The following CADPS2 variants were observed in gnomAD, a reference collection of about 807,000 sequenced individuals.
The protein encoded by CADPS2 is calcium dependent secretion activator 2.
Under a neutral mutation model 172.5 loss-of-function variants are expected in CADPS2, and 93 were observed. That is an observed-to-expected ratio of 0.54 (90% CI 0.46 to 0.64). The LOEUF (loss-of-function observed/expected upper bound fraction) is 0.64, where lower values mean the gene tolerates loss of function less well. Ranked by LOEUF, CADPS2 falls within the 30% of genes least tolerant of loss-of-function variation. CADPS2 has a pLI of 0.00. For missense variants in CADPS2, 1,420 were observed against 1,565.9 expected (o/e 0.91, Z 1.57); for synonymous variants, 546 against 555.2 (o/e 0.98, Z 0.23).
intron 2 of CADPS2, among the ~76,000 whole-genome samples, chr7:122,725,940 T>C (rs2091037689): frequency 6.6e-6 from 1 of 151,964 alleles, no homozygotes; most frequent in Non-Finnish European, 1.5e-5. Context: ...ACAAGATAAA[T>C]TCATCCATAT....
At chr7:122,697,822 T>C in intron 2 of CADPS2, 4 of 1,598,434 alleles carry the variant, frequency 2.5e-6, no homozygotes, top group Non-Finnish European at 2.6e-6. Context: ...CACTACTGAA[T>C]GAGGCTGGAT....
At chr7:122,351,384 A>AAAAAAAAAAAAAAAAAAAAAAT (rs2038598246) in intron 27 of CADPS2, among the ~76,000 whole-genome samples, 1 of 144,526 alleles carries the variant, frequency 6.9e-6, no homozygotes, top group Non-Finnish European at 1.5e-5. Context: ...AAAAAAAAAA[A>AAAAAAAAAAAAAAAAAAAAAAT]AAAAAAAAAA....
intron 1 of CADPS2, among the ~76,000 whole-genome samples, chr7:122,822,671 A>T: frequency 6.6e-6 from 1 of 150,488 alleles, no homozygotes; most frequent in Non-Finnish European, 1.5e-5. Context: ...CCCCACCTTA[A>T]CTGATGACAT....
intron 3 of CADPS2, among the ~76,000 whole-genome samples, chr7:122,650,687 A>G (rs2079061039): frequency 2.6e-5 from 4 of 152,198 alleles, no homozygotes; most frequent in Admixed American, 6.5e-5. Flanking sequence ...GCCAAAGGTA[A>G]GAAACAAAAT....
chr7:122,787,754 A>G (rs780584975), intron 1 of CADPS2, among the ~76,000 whole-genome samples: 1 of 152,236 alleles, frequency 6.6e-6, no homozygotes, highest in Non-Finnish European at 1.5e-5. Context: ...ACTGAATTCC[A>G]GGATACTTGG....
At chr7:122,645,681 A>ATATATATATC (rs796988558) in intron 3 of CADPS2, among the ~76,000 whole-genome samples, 1,828 of 116,696 alleles carry the variant, frequency 0.016, 19 homozygotes, top group Non-Finnish European at 0.023. Flanking sequence ...ATATATATAT[A>ATATATATATC]TCTTGGGATT....
chr7:122,541,727 A>G (rs1336863821), intron 8 of CADPS2, among the ~76,000 whole-genome samples: 1 of 144,668 alleles, frequency 6.9e-6, no homozygotes, highest in Non-Finnish European at 1.5e-5. Context: ...ATATATTCAT[A>G]TATATTTATT....
At chr7:122,692,665 C>T (rs1167604056) in intron 2 of CADPS2, among the ~76,000 whole-genome samples, 1 of 152,240 alleles carries the variant, frequency 6.6e-6, no homozygotes, top group African/African-American at 2.4e-5. Flanking sequence ...ACTATGCCAA[C>T]TGTCAGGTTC....
intron 1 of CADPS2, among the ~76,000 whole-genome samples, chr7:122,770,585 T>C (rs556877196): frequency 2.6e-5 from 4 of 152,254 alleles, no homozygotes; most frequent in South Asian, 2.1e-4. Flanking sequence ...GAACAGAGTA[T>C]AACATGGAAG....
chr7:122,566,178 G>T (rs1399520549), intron 7 of CADPS2, among the ~76,000 whole-genome samples: 1 of 152,018 alleles, frequency 6.6e-6, no homozygotes. Context: ...AATCATCAGG[G>T]AAACGCAAAT....
chr7:122,770,710 G>A (rs1562973865), intron 1 of CADPS2, among the ~76,000 whole-genome samples: 1 of 152,198 alleles, frequency 6.6e-6, no homozygotes, highest in Non-Finnish European at 1.5e-5. Context: ...GCTTCTGCAT[G>A]CTCAGGATCT....
At position 122,575,416 on chromosome 7, in the gene CADPS2, TTTTTC is replaced by T. The variant is rs200334965; in HGVS notation, c.1335+5758_1335+5762del. ...AGTGATGTAAGGAAATGTTCAATTCTTTTTCTTTTCTTTTCTCTTCTTTTCCTTTT... is the reference window on the plus strand; with the variant it reads ...AGTGATGTAAGGAAATGTTCAATTCTTTTTCTTTTCTCTTCTTTTCCTTTT... On this transcript the variant is annotated intron_variant, in intron 7 of 29. Coordinates refer to ENST00000449022, the MANE Select transcript of CADPS2 (RefSeq NM_017954.11). Among the ~76,000 whole-genome samples the T allele has an allele frequency of 6.7e-3, 1,015 of 151,910 alleles. 6 individuals are homozygous for T. The highest frequency in any genetic ancestry group is 0.023 in the African/African-American group (952 of 41,500).
rs1260003654 is a variant in CADPS2, at chr7:122,325,344, T to TA, written c.3717+132dup. The TA allele has an allele frequency of 1.6e-4, 93 of 565,196 alleles. 2 individuals carry two copies. The Admixed American group carries it at 2.8e-3, about 17-fold the overall frequency. 35.0% of individuals were successfully genotyped at this position (565,196 alleles called of 1,614,324 possible). On this transcript the variant is annotated intron_variant, in intron 29 of 29. Coordinates refer to ENST00000449022, the MANE Select transcript of CADPS2 (RefSeq NM_017954.11). ...TTATTAATCTAACTAAACGTGGAAG[T>TA]AAACAGTAGCACATCATTGCTAATA...
chr7:122,434,194 G>A (rs141454837), intron 17 of CADPS2, among the ~76,000 whole-genome samples: 159 of 152,242 alleles, frequency 1.0e-3, no homozygotes, highest in African/African-American at 3.7e-3. Context: ...GTCATAAGAG[G>A]TGACAATCAG....
chr7:122,707,192 C>T (rs6651101), intron 2 of CADPS2, among the ~76,000 whole-genome samples: 7,540 of 151,866 alleles, frequency 0.05, 639 homozygotes, highest in African/African-American at 0.17. Context: ...GTACACAAGG[C>T]ACTGACATGA....
At chr7:122,783,643 C>G (rs1349122527) in intron 1 of CADPS2, among the ~76,000 whole-genome samples, 1 of 152,176 alleles carries the variant, frequency 6.6e-6, no homozygotes, top group African/African-American at 2.4e-5. Context: ...GCTACCACGG[C>G]CCCAATCAGC....
At chr7:122,382,982 C>G (rs1258318179) in intron 24 of CADPS2, among the ~76,000 whole-genome samples, 1 of 152,038 alleles carries the variant, frequency 6.6e-6, no homozygotes, top group Non-Finnish European at 1.5e-5. Flanking sequence ...ACACAGATCA[C>G]TAAACCAAAC....
chr7:122,603,121 A>G (rs927702416), intron 6 of CADPS2, among the ~76,000 whole-genome samples: 5 of 152,126 alleles, frequency 3.3e-5, no homozygotes, highest in Non-Finnish European at 7.4e-5. Flanking sequence ...TATGACAACT[A>G]ACAAGTCTTT....
At chr7:122,370,109 GA>G (rs1238792637) in intron 25 of CADPS2, among the ~76,000 whole-genome samples, 1 of 152,008 alleles carries the variant, frequency 6.6e-6, no homozygotes, top group Non-Finnish European at 1.5e-5. Flanking sequence ...TCATTCTTAG[GA>G]ACTCAGCTCA....
Sources: gnomAD v4.1 joint callset for allele counts (sites outside exome capture counted in the v4.1 genomes callset) on GRCh38, gnomAD v4.1.1 for gene constraint, MANE v1.5 for transcripts, NCBI Gene and HGNC (gene_info 2026-07-23, HGNC 2026-07-21) for gene names.